LRRN3: variants seen among roughly 807,000 people sequenced by gnomAD.
LRRN3 encodes the protein leucine rich repeat neuronal 3.
A neutral mutation model predicts 40.1 loss-of-function variants in LRRN3; 15 were observed. The ratio of observed to expected loss-of-function variants is 0.37; its 90% confidence interval spans 0.25 to 0.58. The LOEUF is 0.58. Ranked by LOEUF, LRRN3 falls within the 20% of genes least tolerant of loss-of-function variation. LRRN3 has a pLI of 0.72. For synonymous variants in LRRN3, 308 were observed against 297.2 expected (o/e 1.04, Z -0.37); for missense variants, 746 against 837.7 (o/e 0.89, Z 1.35).
intron 1 of LRRN3, among the ~76,000 whole-genome samples, chr7:111,098,092 T>C (rs1797594578): frequency 1.3e-5 from 2 of 151,800 alleles, no homozygotes; most frequent in Admixed American, 6.6e-5. Flanking sequence ...TAAGAACATA[T>C]AAACTTTGAA....
chr7:111,115,038 C>T (rs1432878410), intron 2 of LRRN3, among the ~76,000 whole-genome samples: 2 of 152,062 alleles, frequency 1.3e-5, no homozygotes, highest in Non-Finnish European at 2.9e-5. Flanking sequence ...GATGATTATA[C>T]TTCAATCTAA....
In LRRN3 at chr7:111,124,905, A is replaced by G. The variant is rs754218305; in HGVS notation, c.*6A>G. 1 of 1,503,110 alleles carries G rather than the reference A, an allele frequency of 6.7e-7. No individual in the cohort carries two copies. The highest frequency in any genetic ancestry group is 8.9e-7 in the Non-Finnish European group (1 of 1,127,892). 93.1% of individuals were successfully genotyped at this position (1,503,110 alleles called of 1,614,324 possible). On this transcript the variant is annotated 3_prime_UTR_variant, in exon 3 of 3. Coordinates refer to ENST00000308478, the MANE Select transcript of LRRN3 (RefSeq NM_001099658.2). ...TACCAACAAATATGTCCTAAAAACC[A>G]CCAAGGAAACCTACTCCAAAAATGA... is the stretch of plus-strand genomic sequence containing the variant.
At chr7:111,113,563 T>C (rs1238001450) in intron 2 of LRRN3, among the ~76,000 whole-genome samples, 1 of 152,126 alleles carries the variant, frequency 6.6e-6, no homozygotes, top group Admixed American at 6.5e-5. Context: ...TGGACAGTCT[T>C]CATGTGACAT....
At chr7:111,104,064 C>G (rs1310395638) in intron 2 of LRRN3, among the ~76,000 whole-genome samples, 1 of 151,704 alleles carries the variant, frequency 6.6e-6, no homozygotes, top group Admixed American at 6.6e-5. Flanking sequence ...TTTTCATTTT[C>G]ACTTCCCCAG....
chr7:111,108,762 T>C (rs765596625), intron 2 of LRRN3, among the ~76,000 whole-genome samples: 1 of 152,144 alleles, frequency 6.6e-6, no homozygotes, highest in Non-Finnish European at 1.5e-5. Context: ...ACAAACCACA[T>C]GAGTCAATTC....
intron 2 of LRRN3, among the ~76,000 whole-genome samples, chr7:111,100,163 CAGAT>C (rs1707566214): frequency 6.6e-6 from 1 of 151,496 alleles, no homozygotes. Flanking sequence ...TTTTGGGAAA[CAGAT>C]GGTGTCTGGT....
chr7:111,114,980 T>C (rs1799700657), intron 2 of LRRN3, among the ~76,000 whole-genome samples: 1 of 152,096 alleles, frequency 6.6e-6, no homozygotes, highest in African/African-American at 2.4e-5. Flanking sequence ...TAGAGATCTC[T>C]AGTTTAATTA....
intron 2 of LRRN3, among the ~76,000 whole-genome samples, chr7:111,116,903 G>A (rs4730478): frequency 0.71 from 107,974 of 151,978 alleles, 40,882 homozygotes; most frequent in Non-Finnish European, 0.83. Context: ...TAGTGGTTAA[G>A]ACTGAGCTTT....
chr7:111,099,697 GT>G (rs531041503), intron 1 of LRRN3, among the ~76,000 whole-genome samples, 183 bp from the exon 2 acceptor site: 15 of 148,454 alleles, frequency 1.0e-4, no homozygotes, highest in Middle Eastern at 3.5e-3. Flanking sequence ...TCAAAATGAA[GT>G]TTTTTTTTTG....
chr7:111,115,078 A>G (rs1278601165), intron 2 of LRRN3, among the ~76,000 whole-genome samples: 1 of 152,168 alleles, frequency 6.6e-6, no homozygotes, highest in Non-Finnish European at 1.5e-5. Context: ...TAATGAATAA[A>G]TGAGTGTTTT....
chr7:111,091,529 T>A (rs1209073721), intron 1 of LRRN3, 25 bp downstream of exon 1: 1 of 152,164 alleles, frequency 6.6e-6, no homozygotes, highest in African/African-American at 2.4e-5. Flanking sequence ...CACATATATT[T>A]TAAAATACGT....
chr7:111,111,298 G>GT (rs1330160701), intron 2 of LRRN3, among the ~76,000 whole-genome samples: 2 of 100,762 alleles, frequency 2.0e-5, no homozygotes, highest in South Asian at 3.3e-4. Context: ...GGTAGCAGTT[G>GT]TAAAAAAAAA....
chr7:111,103,445 C>A (rs1424561154), intron 2 of LRRN3, among the ~76,000 whole-genome samples: 3 of 151,684 alleles, frequency 2.0e-5, no homozygotes, highest in South Asian at 2.1e-4. Context: ...TCTTCTAAGA[C>A]ATGTCATATA....
At chr7:111,094,111 T>TG (rs1383882997) in intron 1 of LRRN3, among the ~76,000 whole-genome samples, 3 of 152,196 alleles carry the variant, frequency 2.0e-5, no homozygotes, top group African/African-American at 7.2e-5. Context: ...TTTCGCCATG[T>TG]GATGGGTTTG....
intron 1 of LRRN3, among the ~76,000 whole-genome samples, chr7:111,094,870 A>C (rs1051923803): frequency 6.6e-6 from 1 of 152,092 alleles, no homozygotes; most frequent in African/African-American, 2.4e-5. Context: ...GATAAATCGG[A>C]ACGTTTTTCT....
chr7:111,119,765 G>A (rs1264858174), intron 2 of LRRN3, among the ~76,000 whole-genome samples: 1 of 152,090 alleles, frequency 6.6e-6, no homozygotes, highest in East Asian at 1.9e-4. Flanking sequence ...ATGCCCAGAA[G>A]ATAGGATGCA....
At chr7:111,097,854 T>C (rs1797567942) in intron 1 of LRRN3, among the ~76,000 whole-genome samples, 1 of 151,716 alleles carries the variant, frequency 6.6e-6, no homozygotes, top group Non-Finnish European at 1.5e-5. Context: ...TTGCAGGAAA[T>C]AATTTCAATA....
At chr7:111,099,809 AAAG>A in intron 1 of LRRN3, 69 bp from the exon 2 acceptor site, 1 of 151,798 alleles carries the variant, frequency 6.6e-6, no homozygotes, top group Non-Finnish European at 1.5e-5. Flanking sequence ...TGTAAGAAAT[AAAG>A]AAGGACATGT....
At chr7:111,120,434 T>A (rs918375100) in intron 2 of LRRN3, among the ~76,000 whole-genome samples, 1 of 152,038 alleles carries the variant, frequency 6.6e-6, no homozygotes, top group Non-Finnish European at 1.5e-5. Context: ...TTCACTACCA[T>A]GAGCATGGGG....
Sources: allele counts gnomAD v4.1 joint callset (sites outside exome capture counted in the v4.1 genomes callset), GRCh38; gene constraint gnomAD v4.1.1; transcripts MANE v1.5; gene names NCBI Gene and HGNC (gene_info 2026-07-23, HGNC 2026-07-21).